Variants in KCNH5 observed in about 807,000 individuals in gnomAD.
KCNH5 encodes the protein voltage-gated delayed rectifier potassium channel KCNH5.
KCNH5 carries 46 observed loss-of-function variants against 96.1 expected under a neutral mutation model. The observed-to-expected ratio is 0.48, with a 90% CI of 0.38 to 0.61. The LOEUF is 0.61. Among genes scored for constraint, KCNH5 ranks in the 20% least tolerant of loss-of-function variants. KCNH5 has a pLI of 0.00. For synonymous variants in KCNH5, 439 were observed against 449.8 expected (o/e 0.98, Z 0.30); for missense variants, 907 against 1,225.8 (o/e 0.74, Z 3.88).
intron 2 of KCNH5, among the ~76,000 whole-genome samples, chr14:63,014,238 T>C (rs1429808347): frequency 6.6e-6 from 1 of 152,134 alleles, no homozygotes; most frequent in East Asian, 1.9e-4. Flanking sequence ...ACCTCAAATG[T>C]CATAACACAG....
At chr14:62,988,475 C>T (rs1394829539) in intron 4 of KCNH5, among the ~76,000 whole-genome samples, 6 of 152,104 alleles carry the variant, frequency 3.9e-5, no homozygotes, top group African/African-American at 1.4e-4. Context: ...TACTATTCTT[C>T]AGGCTGATTC....
chr14:62,962,609 T>C (rs949035607), intron 6 of KCNH5, among the ~76,000 whole-genome samples: 8 of 152,084 alleles, frequency 5.3e-5, no homozygotes, highest in Non-Finnish European at 1.0e-4. Context: ...AATGAGAAAC[T>C]AGAAGAACTT....
intron 10 of KCNH5, among the ~76,000 whole-genome samples, chr14:62,716,902 G>T (rs1422039167): frequency 6.6e-6 from 1 of 152,004 alleles, no homozygotes; most frequent in East Asian, 1.9e-4. Context: ...AAAATCTTAA[G>T]AAATACATGA....
At chr14:62,911,267 CTTTCTTTTTTT>C (rs1346757291) in intron 7 of KCNH5, among the ~76,000 whole-genome samples, 5 of 149,170 alleles carry the variant, frequency 3.4e-5, no homozygotes, top group South Asian at 2.1e-4. Flanking sequence ...CACAATCTTT[CTTTCTTTTTTT>C]TTTCTTTTTT....
intron 7 of KCNH5, among the ~76,000 whole-genome samples, chr14:62,912,024 C>T (rs545034936): frequency 4.1e-5 from 5 of 121,246 alleles, no homozygotes; most frequent in East Asian, 4.7e-4. Flanking sequence ...GGTGACAGAG[C>T]GAGACTCCTA....
chr14:62,942,024 T>C (rs950558145), intron 7 of KCNH5, among the ~76,000 whole-genome samples: 1 of 152,212 alleles, frequency 6.6e-6, no homozygotes, highest in Non-Finnish European at 1.5e-5. Context: ...TTCTCCATAA[T>C]ATTTATTCTC....
intron 4 of KCNH5, among the ~76,000 whole-genome samples, chr14:62,995,884 T>C (rs951135688): frequency 1.3e-5 from 2 of 152,122 alleles, no homozygotes; most frequent in Non-Finnish European, 2.9e-5. Context: ...CTGTACCATA[T>C]TCCCAATTTT....
At chr14:63,004,397 T>C (rs1891087802) in intron 3 of KCNH5, among the ~76,000 whole-genome samples, 2 of 152,210 alleles carry the variant, frequency 1.3e-5, no homozygotes, top group South Asian at 2.1e-4. Context: ...ATGGGGTATA[T>C]ATCCCATTGG....
chr14:62,961,510 A>G (rs1320264291), intron 6 of KCNH5, among the ~76,000 whole-genome samples: 1 of 152,176 alleles, frequency 6.6e-6, no homozygotes, highest in African/African-American at 2.4e-5. Context: ...AGTCCAAGAA[A>G]TGCTGAGGGA....
intron 3 of KCNH5, among the ~76,000 whole-genome samples, chr14:63,003,367 G>T (rs1442068577): frequency 6.8e-6 from 1 of 147,208 alleles, no homozygotes; most frequent in Non-Finnish European, 1.5e-5. Context: ...GAATCTCGGT[G>T]CAGTGCTCCA....
rs1884408869 is a variant in KCNH5 at position 62,705,282 on chromosome 14, G to T, written c.*2226C>A. On this transcript the variant is annotated 3_prime_UTR_variant, in exon 11 of 11. Transcript: ENST00000322893. The stretch of plus-strand genomic sequence containing the variant: ...TTTTATAGCTTTACACCAATAGTTA[G>T]TTTTGAAGCACTGGCTAAAGTTAAA... The T allele has an allele frequency of 6.6e-6, 1 of 151,970 alleles. No individual in the cohort carries two copies. The highest frequency in any genetic ancestry group is 1.5e-5 in the Non-Finnish European group (1 of 67,868). 9.4% of individuals were successfully genotyped at this position (151,970 alleles called of 1,614,324 possible).
intron 10 of KCNH5, among the ~76,000 whole-genome samples, chr14:62,743,758 G>A (rs1451580969): frequency 2.6e-5 from 4 of 151,972 alleles, no homozygotes; most frequent in South Asian, 2.1e-4. Context: ...TCATATCTCT[G>A]GATCTGTTCT....
chr14:62,931,912 A>C (rs1302033011), intron 7 of KCNH5, among the ~76,000 whole-genome samples: 2 of 152,158 alleles, frequency 1.3e-5, no homozygotes, highest in Non-Finnish European at 2.9e-5. Context: ...GAAAGCTTAC[A>C]CACTGAGTGT....
At chr14:62,950,098 A>G (rs1889970464) in intron 7 of KCNH5, 35 bp downstream of exon 7, 2 of 1,593,372 alleles carry the variant, frequency 1.3e-6, no homozygotes, top group African/African-American at 1.3e-5. Context: ...ATTGCCAATA[A>G]CAATAATTTT....
rs1437718459 is a variant in KCNH5, at chr14:62,702,215, G to A, written c.*5293C>T. On this transcript the variant is annotated 3_prime_UTR_variant, in exon 11 of 11. Coordinates refer to ENST00000322893, the MANE Select transcript of KCNH5 (RefSeq NM_139318.5). ...GGCCGATGTCTTTCAACTGTTAGGA[G>A]AAGTAAAGGAAAATTCCACTGTTGG... is the stretch of plus-strand genomic sequence containing the variant. 2.0e-5 allele frequency: 3 copies of A among 152,052 alleles called. No individual in the cohort carries two copies. The highest frequency in any genetic ancestry group is 7.2e-5 in the African/African-American group (3 of 41,442). The allele number at this position is 152,052 out of a possible 1,614,324, so 9.4% of individuals were successfully genotyped here.
chr14:62,890,478 G>A (rs1271913931), intron 7 of KCNH5, among the ~76,000 whole-genome samples: 3 of 151,374 alleles, frequency 2.0e-5, no homozygotes, highest in Admixed American at 6.6e-5. Context: ...GGCGGATCAC[G>A]AGGTCAGGAG....
intron 7 of KCNH5, among the ~76,000 whole-genome samples, chr14:62,869,370 T>C (rs1346377413): frequency 6.6e-6 from 1 of 150,550 alleles, no homozygotes; most frequent in Admixed American, 6.6e-5. Context: ...TTGCCTACTT[T>C]TTGATGGGGT....
At chr14:62,806,062 G>A (rs570324077) in intron 8 of KCNH5, among the ~76,000 whole-genome samples, 1 of 152,198 alleles carries the variant, frequency 6.6e-6, no homozygotes, top group African/African-American at 2.4e-5. Context: ...AAAGAAGCTG[G>A]TCTACCAAAA....
chr14:62,808,721 G>A (rs1886817713), intron 8 of KCNH5, among the ~76,000 whole-genome samples: 1 of 152,062 alleles, frequency 6.6e-6, no homozygotes, highest in Non-Finnish European at 1.5e-5. Context: ...ATATGACTTA[G>A]TGTATGTTAT....
Sources: allele counts gnomAD v4.1 joint callset (sites outside exome capture counted in the v4.1 genomes callset), GRCh38; gene constraint gnomAD v4.1.1; transcripts MANE v1.5; gene names NCBI Gene and HGNC (gene_info 2026-07-23, HGNC 2026-07-21).